OR2AT4: variants seen among roughly 807,000 people sequenced by gnomAD.
The protein encoded by OR2AT4 is olfactory receptor 2AT4.
A neutral mutation model predicts 10.3 loss-of-function variants in OR2AT4; 6 were observed. That is an observed-to-expected ratio of 0.58 (90% confidence interval 0.32 to 1.15). The LOEUF (loss-of-function observed/expected upper bound fraction) is 1.15. Among genes scored for constraint, OR2AT4 ranks in the 50% most tolerant of loss-of-function variants. The pLI is 0.05. For missense variants in OR2AT4, 354 were observed against 393.8 expected (o/e 0.90, Z 0.85); for synonymous variants, 145 against 159.1 (o/e 0.91, Z 0.67).
chr11:75,083,924 T>G (rs1237295557), exon 2 of OR2AT4: 2 of 149,982 alleles, frequency 1.3e-5, no homozygotes, highest in Non-Finnish European at 2.9e-5. Flanking sequence ...TGAGCTGAGA[T>G]CGTGCCATTG....
chr11:75,090,816 G>T (rs1171279155), intron 1 of OR2AT4, among the ~76,000 whole-genome samples: 4 of 152,080 alleles, frequency 2.6e-5, no homozygotes, highest in Admixed American at 2.6e-4. Context: ...ATCCCATGAT[G>T]CTTAAGAGAA....
At chr11:75,093,804 CTTTTTCTTTTTTTTT>C (rs1253428002) in intron 1 of OR2AT4, among the ~76,000 whole-genome samples, 29 of 88,370 alleles carry the variant, frequency 3.3e-4, no homozygotes, top group Admixed American at 2.2e-3. Flanking sequence ...TTTTCTTTTT[CTTTTTCTTTTTTTTT>C]TTTTTTTTTT....
chr11:75,096,579 C>A (rs920050328), intron 1 of OR2AT4, among the ~76,000 whole-genome samples: 2 of 152,200 alleles, frequency 1.3e-5, no homozygotes, highest in African/African-American at 4.8e-5. Flanking sequence ...ATCAGCTTTG[C>A]CTCCTTGTGA....
chr11:75,085,473 T>A (rs190569150), exon 2 of OR2AT4: 1 of 152,094 alleles, frequency 6.6e-6, no homozygotes, highest in South Asian at 2.1e-4. Context: ...TTTTTGAGAA[T>A]GTAGAAGAGA....
At chr11:75,092,066 C>A (rs1233098901) in intron 1 of OR2AT4, among the ~76,000 whole-genome samples, 6 of 151,978 alleles carry the variant, frequency 3.9e-5, no homozygotes, top group African/African-American at 1.5e-4. Context: ...ACCTAATGGA[C>A]AAATGGGTGA....
intron 1 of OR2AT4, among the ~76,000 whole-genome samples, chr11:75,095,648 T>C (rs1308752379): frequency 6.6e-6 from 1 of 151,726 alleles, no homozygotes; most frequent in Non-Finnish European, 1.5e-5. Flanking sequence ...GAAGGGGCCA[T>C]TAGTGATTAA....
chr11:75,090,718 T>C (rs1290956697), intron 1 of OR2AT4, among the ~76,000 whole-genome samples: 1 of 152,224 alleles, frequency 6.6e-6, no homozygotes, highest in African/African-American at 2.4e-5. Flanking sequence ...AAGTTTTCCC[T>C]GTGGGACATC....
rs184678432 is a variant in OR2AT4 at position 75,092,982 on chromosome 11, C to T, written c.-651-2618G>A. ...GGGCATGGTAGCACACGCCTGTAAT[C>T]CCAGCTACTCAGGAGGCTGAAGCAG... On this transcript the variant is annotated intron_variant, in intron 1 of 1. Coordinates refer to ENST00000641504, the Ensembl canonical transcript of OR2AT4. Among the ~76,000 whole-genome samples, 48 of 152,202 alleles carry T rather than the reference C, an allele frequency of 3.2e-4. 1 individual carries two copies. The East Asian group carries it at 7.0e-3, about 22-fold the overall frequency.
At chr11:75,090,644 C>T (rs367870211) in intron 1 of OR2AT4, among the ~76,000 whole-genome samples, 12 of 152,260 alleles carry the variant, frequency 7.9e-5, no homozygotes, top group African/African-American at 2.4e-4. Context: ...ACCAGTAAGA[C>T]TTGTGATAGT....
intron 1 of OR2AT4, among the ~76,000 whole-genome samples, chr11:75,092,292 A>G (rs536509494): frequency 1.3e-5 from 2 of 152,352 alleles, no homozygotes; most frequent in Non-Finnish European, 2.9e-5. Flanking sequence ...ACCACTTCGG[A>G]TAACAGTGTG....
intron 1 of OR2AT4, among the ~76,000 whole-genome samples, chr11:75,095,548 G>C (rs1949342733): frequency 6.6e-6 from 1 of 152,042 alleles, no homozygotes; most frequent in South Asian, 2.1e-4. Context: ...GTTTCTATTT[G>C]ATACTGCACC....
At chr11:75,093,488 A>G (rs1341684295) in intron 1 of OR2AT4, among the ~76,000 whole-genome samples, 3 of 152,236 alleles carry the variant, frequency 2.0e-5, no homozygotes, top group Non-Finnish European at 4.4e-5. Flanking sequence ...TCAAGGAAGA[A>G]GAGATGTGTG....
rs927273755 is a variant in OR2AT4, at chr11:75,090,039, T to C, written c.-326A>G. 3 of 260,136 alleles carry C rather than the reference T, an allele frequency of 1.2e-5. No individual in the cohort carries two copies. Among genetic ancestry groups the C allele is most frequent in the Non-Finnish European group, 2.2e-5 (3 of 137,232 alleles). 16.1% of individuals were successfully genotyped at this position (260,136 alleles called of 1,614,324 possible). On this transcript the variant is annotated 5_prime_UTR_variant, in exon 2 of 2. The change creates a new upstream start codon in the 5' untranslated region. Coordinates refer to ENST00000641504, the Ensembl canonical transcript of OR2AT4. ...GCAAAGTTCCTGTCTTCCCAGAGTT[T>C]ATATTTTACTGGGAAAATCAGATCT... is the stretch of plus-strand genomic sequence containing the variant.
exon 2 of OR2AT4, chr11:75,087,197 T>G (rs1183579781): frequency 1.3e-5 from 2 of 152,168 alleles, no homozygotes; most frequent in Non-Finnish European, 2.9e-5. Flanking sequence ...TAGTACGTAT[T>G]TTACAAATGT....
At chr11:75,090,536 A>G (rs1193481199) in intron 1 of OR2AT4, among the ~76,000 whole-genome samples, 172 bp from the exon 2 acceptor site, 1 of 152,220 alleles carries the variant, frequency 6.6e-6, no homozygotes, top group Non-Finnish European at 1.5e-5. Context: ...TTAACTAATA[A>G]TCACCAGCTC....
At chr11:75,090,875 A>G (rs548701086) in intron 1 of OR2AT4, among the ~76,000 whole-genome samples, 1 of 152,266 alleles carries the variant, frequency 6.6e-6, no homozygotes, top group East Asian at 1.9e-4. Flanking sequence ...TCCTCTCAAA[A>G]CATTTTACAA....
chr11:75,095,604 G>A (rs11236327), intron 1 of OR2AT4, among the ~76,000 whole-genome samples: 7,253 of 151,514 alleles, frequency 0.048, 599 homozygotes, highest in African/African-American at 0.17. Flanking sequence ...TTTCCAACTT[G>A]CCTTGTTTTG....
At chr11:75,093,995 G>A (rs1949333984) in intron 1 of OR2AT4, among the ~76,000 whole-genome samples, 2 of 151,116 alleles carry the variant, frequency 1.3e-5, no homozygotes, top group African/African-American at 4.9e-5. Flanking sequence ...GCTAGTTTTT[G>A]TATTTTTAGC....
At chr11:75,087,785 AG>A (rs1949297469) in exon 2 of OR2AT4, 1 of 152,190 alleles carries the variant, frequency 6.6e-6, no homozygotes, top group Non-Finnish European at 1.5e-5. Context: ...TTTTAAATTG[AG>A]GGAATTGTGG....
Sources: allele counts gnomAD v4.1 joint callset (sites outside exome capture counted in the v4.1 genomes callset), GRCh38; gene constraint gnomAD v4.1.1; transcripts MANE v1.5; gene names NCBI Gene and HGNC (gene_info 2026-07-23, HGNC 2026-07-21).